The following SHANK2 variants were observed in gnomAD, a reference collection of about 807,000 sequenced individuals.
SHANK2 encodes SH3 and multiple ankyrin repeat domains 2, also known as SH3 and multiple ankyrin repeat domains protein 2.
Under a neutral mutation model 133.7 loss-of-function variants are expected in SHANK2, and 43 were observed. The observed-to-expected ratio is 0.32, with a 90% CI of 0.25 to 0.41. The LOEUF (loss-of-function observed/expected upper bound fraction) is 0.41, where lower values mean the gene tolerates loss of function less well. SHANK2 is among the 10% of genes least tolerant of loss of function. The probability of loss-of-function intolerance (pLI) is 1.00; values close to 1 mark genes in which losing one functional copy is unlikely to be tolerated. For missense variants in SHANK2, 1,994 were observed against 2,235.8 expected, an observed-to-expected ratio of 0.89 and a Z score of 2.18; for synonymous variants, 1,017 against 952.8, an observed-to-expected ratio of 1.07 and a Z score of -1.24.
At chr11:70,938,087 G>A (rs1278137551) in intron 10 of SHANK2, among the ~76,000 whole-genome samples, 1 of 152,158 alleles carries the variant, frequency 6.6e-6, no homozygotes, top group Non-Finnish European at 1.5e-5. Flanking sequence ...CATAATTACA[G>A]CAGGAATGAG....
At chr11:71,060,232 C>T (rs1193816373) in intron 9 of SHANK2, among the ~76,000 whole-genome samples, 3 of 152,212 alleles carry the variant, frequency 2.0e-5, no homozygotes, top group Non-Finnish European at 2.9e-5. Flanking sequence ...TGTTGTGAGG[C>T]ATCCTGCAAT....
Position 71,092,437 on chromosome 11 carries a change from C to A in SHANK2, c.897G>T (p.Trp299Cys). The A allele has an allele frequency of 5.2e-6, 8 of 1,551,338 alleles. No homozygotes were observed. The highest frequency in any genetic ancestry group is 7.0e-6 in the Non-Finnish European group (8 of 1,146,880). The change falls in exon 8 of 26, where the codon TGG becomes TGT. Residue 299 changes from tryptophan to cysteine, a missense_variant. By Grantham distance (215) the Trp-to-Cys change is radical (BLOSUM62 -2). Coordinates refer to ENST00000601538, the MANE Select transcript of SHANK2 (RefSeq NM_012309.5). ...ATVCCKDENG[W>C]HEIHQACRYG... ...GCCCACGTACCTGGTGGATCTCGTG[C>A]CAGCCGTTCTCATCTTTGCAGCACA... is the stretch of plus-strand genomic sequence containing the variant.
intron 17 of SHANK2, among the ~76,000 whole-genome samples, chr11:70,608,567 G>A (rs1429366134): frequency 6.6e-6 from 1 of 152,180 alleles, no homozygotes; most frequent in Non-Finnish European, 1.5e-5. Flanking sequence ...AGGTGGGCAG[G>A]ACACAGCACT....
rs555550062 is a variant in SHANK2 at position 70,909,325 on chromosome 11, A to T, written c.1108-12758T>A. Reference sequence around the variant, plus strand: ...TCTACTTGGCCTCCAGGAACCCTAGACTCACGGCACAGAATGAGGGAGGCT... The same window carrying T: ...TCTACTTGGCCTCCAGGAACCCTAGTCTCACGGCACAGAATGAGGGAGGCT... On this transcript the variant is annotated intron_variant, in intron 10 of 25. Coordinates refer to ENST00000601538, the MANE Select transcript of SHANK2 (RefSeq NM_012309.5). Among the ~76,000 whole-genome samples the T allele has an allele frequency of 8.7e-4, 133 of 152,164 alleles. 1 individual carries two copies. Among genetic ancestry groups the T allele is most frequent in the Non-Finnish European group, 1.4e-3 (93 of 68,030 alleles).
At chr11:70,869,747 C>G (rs1555069794) in intron 11 of SHANK2, among the ~76,000 whole-genome samples, 1 of 152,166 alleles carries the variant, frequency 6.6e-6, no homozygotes, top group Non-Finnish European at 1.5e-5. Flanking sequence ...TTGTCCTCCC[C>G]CAGACAGGGG....
intron 17 of SHANK2, among the ~76,000 whole-genome samples, chr11:70,581,521 T>C (rs1384100177): frequency 2.6e-5 from 4 of 152,060 alleles, no homozygotes; most frequent in Non-Finnish European, 5.9e-5. Flanking sequence ...CGAAACCCCA[T>C]CTCTACTAAA....
At chr11:70,558,554 C>T (rs187182287) in intron 17 of SHANK2, among the ~76,000 whole-genome samples, 184 of 152,354 alleles carry the variant, frequency 1.2e-3, no homozygotes, top group African/African-American at 4.1e-3. Flanking sequence ...CTCTCTGTGC[C>T]TCAGTTTCCT....
chr11:71,071,080 A>G (rs928731857), intron 9 of SHANK2, among the ~76,000 whole-genome samples: 7 of 152,340 alleles, frequency 4.6e-5, no homozygotes, highest in Non-Finnish European at 8.8e-5. Context: ...GTGACAAAAA[A>G]CAGACTTTTC....
rs1236966776 is a variant in SHANK2, at chr11:71,188,173, T to C, written c.-13+36524A>G. On this transcript the variant is annotated intron_variant, in intron 2 of 25. Coordinates refer to ENST00000601538, the MANE Select transcript of SHANK2 (RefSeq NM_012309.5). The surrounding 1 kb of genome is among the most constrained non-coding windows in gnomAD (Gnocchi z 4.6). ...TCTGCCCCGTTTTCCCAGCCACTCCTGAGACCTGGTGATCTTGCCACCTCC... is the reference window on the plus strand; with the variant it reads ...TCTGCCCCGTTTTCCCAGCCACTCCCGAGACCTGGTGATCTTGCCACCTCC... Among the ~76,000 whole-genome samples the C allele has an allele frequency of 1.3e-5, 2 of 152,166 alleles. No homozygotes were observed. Among genetic ancestry groups the C allele is most frequent in the African/African-American group, 4.8e-5 (2 of 41,430 alleles).
rs533451110 is a variant in SHANK2, at chr11:70,807,071, C to T, written c.1594G>A (p.Val532Ile). Residue 532 changes from valine (V) to isoleucine (I), a missense_variant, in exon 13 of 26, where the codon GTC (valine) becomes ATC (isoleucine). Physicochemically the swap from Val to Ile is conservative, Grantham distance 29. Around this residue, in one of 5 missense-constraint regions of SHANK2, gnomAD observed 653 missense variants for 563.4 expected, o/e 1.16. Coordinates refer to ENST00000601538, the MANE Select transcript of SHANK2 (RefSeq NM_012309.5). The surrounding 1 kb of genome is among the most constrained non-coding windows in gnomAD (Gnocchi z 4.8). The stretch of plus-strand genomic sequence containing the variant: ...TGGGGTTGGTATGGCTTGACAGCGA[C>T]GAAGAGCCTCCCGGGCACGGCACTG... ...LYSAVPGRLFVAVKPYQPQVD... is the reference protein window; with the variant it reads ...LYSAVPGRLFIAVKPYQPQVD... 5.2e-5 allele frequency: 37 copies of T among 717,944 alleles called. No homozygotes were observed. Among genetic ancestry groups the T allele is most frequent in the Admixed American group, 1.6e-4 (8 of 49,988 alleles). 44.5% of individuals were successfully genotyped at this position (717,944 alleles called of 1,614,324 possible). A position where few individuals can be genotyped will look rare whatever the true frequency, so the allele number is the denominator to read the frequency against.
chr11:70,836,817 A>G (rs1177545774), intron 11 of SHANK2, among the ~76,000 whole-genome samples: 1 of 152,228 alleles, frequency 6.6e-6, no homozygotes, highest in Non-Finnish European at 1.5e-5. Flanking sequence ...GAAGGTTTAC[A>G]TCCCCTCCAA....
At chr11:70,565,901 G>A (rs782595565) in intron 17 of SHANK2, among the ~76,000 whole-genome samples, 3 of 152,012 alleles carry the variant, frequency 2.0e-5, no homozygotes, top group Non-Finnish European at 4.4e-5. Context: ...GCAATGTAAA[G>A]AGTAATACTG....
chr11:71,168,117 T>A (rs1953221477), intron 2 of SHANK2, among the ~76,000 whole-genome samples: 1 of 130,590 alleles, frequency 7.7e-6, no homozygotes, highest in African/African-American at 3.1e-5. Flanking sequence ...ACGGGGCGGT[T>A]GCCAGGCAGA....
chr11:70,892,466 G>T (rs1357558438), intron 11 of SHANK2, among the ~76,000 whole-genome samples: 2 of 152,154 alleles, frequency 1.3e-5, no homozygotes, highest in African/African-American at 4.8e-5. Context: ...TCCCCAGCCT[G>T]CCCCATCCCA....
intron 17 of SHANK2, among the ~76,000 whole-genome samples, chr11:70,505,188 A>ATGGGCAAGGAAGCGG (rs1554968130): frequency 6.6e-6 from 1 of 152,120 alleles, no homozygotes; most frequent in Admixed American, 6.5e-5. Flanking sequence ...TGGAGTGGGA[A>ATGGGCAAGGAAGCGG]TGGGCAAGGA....
intron 10 of SHANK2, among the ~76,000 whole-genome samples, chr11:70,916,966 C>T (rs1950280048): frequency 6.6e-6 from 1 of 152,150 alleles, no homozygotes; most frequent in South Asian, 2.1e-4. Flanking sequence ...GAAACCATTG[C>T]TTTTGGATGC....
At chr11:71,177,591 G>C (rs1953471735) in intron 2 of SHANK2, among the ~76,000 whole-genome samples, 1 of 151,914 alleles carries the variant, frequency 6.6e-6, no homozygotes, top group African/African-American at 2.4e-5. Context: ...TCTAAAAGAA[G>C]ACAGAAAAAG....
chr11:71,142,705 T>C (rs1224224163), intron 3 of SHANK2, among the ~76,000 whole-genome samples: 1 of 146,780 alleles, frequency 6.8e-6, no homozygotes, highest in Non-Finnish European at 1.5e-5. Flanking sequence ...GAAAATGTCC[T>C]TAAACAGAAT....
At chr11:70,843,242 C>A (rs1030876479) in intron 11 of SHANK2, among the ~76,000 whole-genome samples, 1 of 72,016 alleles carries the variant, frequency 1.4e-5, no homozygotes, top group African/African-American at 5.2e-5. Flanking sequence ...ATGGGGTGGG[C>A]TGGGCTCCTA....
Sources: allele counts gnomAD v4.1 joint callset (sites outside exome capture counted in the v4.1 genomes callset), GRCh38; gene constraint gnomAD v4.1.1; regional missense constraint gnomAD v4.1.1; non-coding constraint Gnocchi (gnomAD v3.1); transcripts MANE v1.5; gene names NCBI Gene and HGNC (gene_info 2026-07-23, HGNC 2026-07-21).